GEMIN5: variants seen among roughly 807,000 people sequenced by gnomAD.
GEMIN5 encodes the protein gem-associated protein 5.
Under a neutral mutation model 176.9 loss-of-function variants are expected in GEMIN5, and 124 were observed. The ratio of observed to expected loss-of-function variants is 0.70; its 90% CI spans 0.61 to 0.81. GEMIN5 has a LOEUF of 0.81. GEMIN5 is among the 40% of genes least tolerant of loss of function. The probability of loss-of-function intolerance (pLI) is 0.00; values close to 1 mark genes in which losing one functional copy is unlikely to be tolerated. For synonymous variants in GEMIN5, 673 were observed against 665.2 expected, an observed-to-expected ratio of 1.01 and a Z score of -0.18; for missense variants, 1,843 against 1,814.6, an observed-to-expected ratio of 1.02 and a Z score of -0.28.
At chr5:154,931,730 T>C in intron 4 of GEMIN5, 153 bp from the exon 5 acceptor site, 1 of 631,412 alleles carries the variant, frequency 1.6e-6, no homozygotes, top group Non-Finnish European at 2.6e-6. Flanking sequence ...AATGATATAA[T>C]TCGGCCTGGT....
In GEMIN5 at chr5:154,903,142, T is replaced by C. The variant is rs1410202529; in HGVS notation, c.2666A>G (p.Glu889Gly). The C allele has an allele frequency of 6.2e-7, 1 of 1,612,930 alleles. No homozygotes were observed. Among genetic ancestry groups the C allele is most frequent in the East Asian group, 2.2e-5 (1 of 44,882 alleles). ...TGTGAAAAGCCCCAGATGAAATCTT[T>C]CCTCAACATCAGCAGACACATCTTC... ...LNEDVSADVE[E>G]RFHLGLFTDR... Residue 889 changes from glutamate to glycine, a missense_variant, in exon 19 of 28, where the codon GAA becomes GGA. By Grantham distance (98) the Glu-to-Gly change is moderately conservative. Transcript: ENST00000285873.
Position 154,888,196 on chromosome 5 carries a change from A to G in GEMIN5, c.*14T>C. The G allele has an allele frequency of 6.2e-7, 1 of 1,612,964 alleles. No individual in the cohort carries two copies. The highest frequency in any genetic ancestry group is 1.3e-5 in the African/African-American group (1 of 75,020). On this transcript the variant is annotated 3_prime_UTR_variant, in exon 28 of 28. Transcript: ENST00000285873. ...CATTTTCAATTTGGCAGTTTCTTCAAGGTGTGTGAAAATTCACATACAGAA... is the reference window on the plus strand; with the variant it reads ...CATTTTCAATTTGGCAGTTTCTTCAGGGTGTGTGAAAATTCACATACAGAA...
intron 15 of GEMIN5, among the ~76,000 whole-genome samples, 188 bp from the exon 16 acceptor site, chr5:154,908,006 A>C (rs1763607347): frequency 6.6e-6 from 1 of 152,032 alleles, no homozygotes; most frequent in African/African-American, 2.4e-5. Flanking sequence ...TTAAATCATA[A>C]ACATGATGCC....
At chr5:154,932,453 A>G (rs1764189394) in intron 3 of GEMIN5, among the ~76,000 whole-genome samples, 1 of 151,952 alleles carries the variant, frequency 6.6e-6, no homozygotes, top group South Asian at 2.1e-4. Context: ...TTTTGTTAAA[A>G]CCCTTCTCTC....
At position 154,917,116 on chromosome 5, in the gene GEMIN5, C is replaced by T; in HGVS notation, c.1737G>A (p.Lys579=). ...GATGCCAGCTAATGGTATTCACAAG[C>T]TTGTGATGCTGTTGGATAGTACAGA... ...KLICTIQQHH[K]LVNTISWHHE... The change falls in exon 13 of 28, where the codon AAG becomes AAA. Residue 579 remains lysine (K), a synonymous_variant. Transcript: ENST00000285873. The T allele has an allele frequency of 6.2e-7, 1 of 1,606,558 alleles. No individual in the cohort carries two copies. The highest frequency in any genetic ancestry group is 2.2e-5 in the East Asian group (1 of 44,696).
chr5:154,901,853 G>A (rs7709899), intron 20 of GEMIN5, among the ~76,000 whole-genome samples: 17,573 of 151,622 alleles, frequency 0.12, 1,239 homozygotes, highest in African/African-American at 0.19. Context: ...AGGCTGGAGC[G>A]CAGTAGCACA....
At chr5:154,937,279 T>C (rs893255506) in intron 1 of GEMIN5, 94 bp from the exon 2 acceptor site, 34 of 1,017,078 alleles carry the variant, frequency 3.3e-5, no homozygotes, top group Non-Finnish European at 4.1e-5. Flanking sequence ...AGCAGATGCT[T>C]TGGAGTTACT....
rs554626933 is a variant in GEMIN5 at position 154,893,224 on chromosome 5, G to A, written c.3598-675C>T. Among the ~76,000 whole-genome samples the A allele has an allele frequency of 5.0e-3, 758 of 150,216 alleles. 2 individuals are homozygous for A. Among genetic ancestry groups the A allele is most frequent in the Admixed American group, 7.1e-3 (107 of 15,048 alleles). On this transcript the variant is annotated intron_variant, in intron 24 of 27. Transcript: ENST00000285873. Reference sequence around the variant, plus strand: ...CCCCATCACTTTGGGAGGCTGAGGCGGGCGGATCACCCGAGGTGAAAGCCC... The same window carrying A: ...CCCCATCACTTTGGGAGGCTGAGGCAGGCGGATCACCCGAGGTGAAAGCCC...
At chr5:154,896,043 A>G in intron 24 of GEMIN5, 49 bp downstream of exon 24, 2 of 1,595,834 alleles carry the variant, frequency 1.3e-6, no homozygotes, top group Non-Finnish European at 1.7e-6. Context: ...GGATTAAGGA[A>G]GTCTTACCAC....
rs2113459584 is a variant in GEMIN5, at chr5:154,896,333, A to G, written c.3356T>C (p.Leu1119Ser). The change falls in exon 24 of 28, where the codon TTG (leucine) becomes TCG (serine). Residue 1119 changes from leucine to serine, a missense_variant. Transcript: ENST00000285873. Reference protein sequence around the residue: ...QLHESLQGQRLVFCLLELLSR... With the variant: ...QLHESLQGQRSVFCLLELLSR... ...CAGTAGCTCCAGAAGGCAAAACACC[A>G]ATCTCTGACCCTGGAACACGACAAC... The G allele has an allele frequency of 6.3e-7, 1 of 1,581,904 alleles. No individual in the cohort carries two copies. The highest frequency in any genetic ancestry group is 1.2e-5 in the South Asian group (1 of 86,186).
At chr5:154,917,888 T>C (rs759764893) in intron 12 of GEMIN5, 43 bp downstream of exon 12, 2 of 1,217,088 alleles carry the variant, frequency 1.6e-6, no homozygotes, top group East Asian at 4.6e-5. Flanking sequence ...ATCAAATATA[T>C]GTGCGATTGC....
At chr5:154,930,851 A>G (rs535866022) in intron 5 of GEMIN5, among the ~76,000 whole-genome samples, 1 of 152,318 alleles carries the variant, frequency 6.6e-6, no homozygotes, top group Admixed American at 6.5e-5. Context: ...AAAATAAAAT[A>G]AAATGAAGAA....
chr5:154,927,634 C>G (rs1428490738), intron 6 of GEMIN5, 84 bp from the exon 7 acceptor site: 33 of 992,226 alleles, frequency 3.3e-5, no homozygotes, highest in Non-Finnish European at 4.9e-5. Context: ...GGGCTCATAG[C>G]TGCAAAATGA....
intron 13 of GEMIN5, among the ~76,000 whole-genome samples, chr5:154,914,022 CATA>C (rs1379380304): frequency 6.6e-6 from 1 of 151,834 alleles, no homozygotes; most frequent in Non-Finnish European, 1.5e-5. Flanking sequence ...TAAATACACA[CATA>C]ATTTTTTTTT....
Position 154,916,994 on chromosome 5 carries a change from T to G in GEMIN5, c.1855+4A>C. ...ATCCCCAGTATGAAAGAAACCAAAGTTACCTATGACAGTCTTCAGGTTGTG... is the reference window on the plus strand; with the variant it reads ...ATCCCCAGTATGAAAGAAACCAAAGGTACCTATGACAGTCTTCAGGTTGTG... On this transcript the variant is annotated splice_donor_region_variant and intron_variant, in intron 13 of 27. Coordinates refer to ENST00000285873, the MANE Select transcript of GEMIN5 (RefSeq NM_015465.5). 1.9e-6 allele frequency: 3 copies of G among 1,542,170 alleles called. No individual in the cohort carries two copies. The highest frequency in any genetic ancestry group is 2.7e-6 in the Non-Finnish European group (3 of 1,130,476).
Position 154,898,522 on chromosome 5 carries a change from G to T in GEMIN5, c.3263C>A (p.Ala1088Asp). ...AAGCAGCTCTTGGGCACATCTGAGAGCCAGGGAAGCAGACAACTCATCCTC... is the reference window on the plus strand; with the variant it reads ...AAGCAGCTCTTGGGCACATCTGAGATCCAGGGAAGCAGACAACTCATCCTC... Reference protein sequence around the residue: ...VGEDELSASLALRCAQELLLA... With the variant: ...VGEDELSASLDLRCAQELLLA... Residue 1088 changes from alanine to aspartate, a missense_variant, in exon 23 of 28, where the codon GCT becomes GAT. Transcript: ENST00000285873. 1.2e-6 allele frequency: 2 copies of T among 1,614,178 alleles called. No individual in the cohort carries two copies. The highest frequency in any genetic ancestry group is 1.7e-6 in the Non-Finnish European group (2 of 1,180,020).
chr5:154,914,574 C>G (rs1470631799), intron 13 of GEMIN5, among the ~76,000 whole-genome samples: 1 of 147,236 alleles, frequency 6.8e-6, no homozygotes, highest in Non-Finnish European at 1.5e-5. Context: ...AGTACAGTGA[C>G]AGTCATATAG....
chr5:154,891,837 A>C, intron 25 of GEMIN5, 95 bp from the exon 26 acceptor site: 1 of 1,205,992 alleles, frequency 8.3e-7, no homozygotes, highest in East Asian at 2.4e-5. Context: ...ATCAACCAAG[A>C]AGCAGACCCC....
rs558359644 is a variant in GEMIN5 at position 154,897,083 on chromosome 5, CTT to C, written c.3346-742_3346-741del. Among the ~76,000 whole-genome samples, 11 of 152,282 alleles carry C rather than the reference CTT, an allele frequency of 7.2e-5. No homozygotes were observed. The South Asian group carries it at 1.9e-3, about 26-fold the overall frequency. On this transcript the variant is annotated intron_variant, in intron 23 of 27. Transcript: ENST00000285873. ...AAATGCTAAACAGTCATTCTGGAAA[CTT>C]TTTTTGATGGTGGATAAATTAAAAT...
Sources: allele counts gnomAD v4.1 joint callset (sites outside exome capture counted in the v4.1 genomes callset), GRCh38; gene constraint gnomAD v4.1.1; transcripts MANE v1.5; gene names NCBI Gene and HGNC (gene_info 2026-07-23, HGNC 2026-07-21).